The following PARD3B variants were observed in gnomAD, a reference collection of about 807,000 sequenced individuals.
The protein encoded by PARD3B is par-3 family cell polarity regulator beta, also known as partitioning defective 3 homolog B.
Under a neutral mutation model 130.2 loss-of-function variants are expected in PARD3B, and 103 were observed. That is an observed-to-expected ratio of 0.79 (90% CI 0.67 to 0.93). The LOEUF is 0.93. Ranked by LOEUF, PARD3B falls within the 40% of genes least tolerant of loss-of-function variation. The probability of loss-of-function intolerance (pLI) is 0.00; values close to 1 mark genes in which losing one functional copy is unlikely to be tolerated. For synonymous variants in PARD3B, 583 were observed against 553.2 expected (o/e 1.05, Z -0.76); for missense variants, 1,609 against 1,499.2 (o/e 1.07, Z -1.21).
chr2:205,507,212 T>TTTTC, intron 21 of PARD3B, among the ~76,000 whole-genome samples: 1 of 113,578 alleles, frequency 8.8e-6, no homozygotes, highest in South Asian at 3.5e-4. Flanking sequence ...TTTTTTTTTT[T>TTTTC]TTTTTTTTTT....
intron 3 of PARD3B, among the ~76,000 whole-genome samples, chr2:205,024,475 A>G (rs145158927): frequency 0.011 from 1,740 of 152,110 alleles, 117 homozygotes; most frequent in Admixed American, 0.1. Context: ...GCAAGAGTTT[A>G]TTCTTCCTCC....
At chr2:205,090,922 A>T (rs1702066117) in intron 4 of PARD3B, among the ~76,000 whole-genome samples, 1 of 152,206 alleles carries the variant, frequency 6.6e-6, no homozygotes, top group African/African-American at 2.4e-5. Context: ...ATCCTCTACC[A>T]GTTTTCATTG....
intron 1 of PARD3B, among the ~76,000 whole-genome samples, chr2:204,549,196 C>T (rs1043437988): frequency 1.3e-5 from 2 of 152,098 alleles, no homozygotes; most frequent in African/African-American, 4.8e-5. Flanking sequence ...GCTCTGAAGT[C>T]TGGGCCTTTG....
At chr2:204,808,413 G>T (rs1374162237) in intron 2 of PARD3B, among the ~76,000 whole-genome samples, 1 of 152,088 alleles carries the variant, frequency 6.6e-6, no homozygotes, top group African/African-American at 2.4e-5. Context: ...AAGGGAGTTT[G>T]TTGTACAGAT....
At chr2:204,751,496 G>A (rs1256440337) in intron 2 of PARD3B, among the ~76,000 whole-genome samples, 1 of 152,146 alleles carries the variant, frequency 6.6e-6, no homozygotes, top group Non-Finnish European at 1.5e-5. Context: ...TCTGCCTATG[G>A]GCATGAGGTG....
chr2:205,367,788 A>G (rs1025333685), intron 18 of PARD3B, among the ~76,000 whole-genome samples: 1 of 152,096 alleles, frequency 6.6e-6, no homozygotes, highest in Non-Finnish European at 1.5e-5. Context: ...TTGTCCTGCT[A>G]TTTATTTTTG....
chr2:204,899,597 T>C (rs1202796459), intron 2 of PARD3B, among the ~76,000 whole-genome samples: 1 of 152,196 alleles, frequency 6.6e-6, no homozygotes, highest in Non-Finnish European at 1.5e-5. Flanking sequence ...GTTGTTGTTA[T>C]TATTTTTAAT....
At chr2:205,349,359 T>G (rs2043908335) in intron 18 of PARD3B, among the ~76,000 whole-genome samples, 1 of 152,178 alleles carries the variant, frequency 6.6e-6, no homozygotes, top group Non-Finnish European at 1.5e-5. Context: ...ATTTTATATG[T>G]AATCTCACTT....
At position 205,125,675 on chromosome 2, in the gene PARD3B, C is replaced by A. The variant is rs929831055; in HGVS notation, c.1372C>A (p.Gln458Lys). The A allele has an allele frequency of 6.8e-6, 11 of 1,614,002 alleles. No individual in the cohort carries two copies. The highest frequency in any genetic ancestry group is 9.3e-6 in the Non-Finnish European group (11 of 1,180,046). ...ELVAMLRSTK[Q>K]GETASLVIAR... is the part of the protein sequence containing the mutation. ...TGTGGCCATGCTCAGGAGCACCAAG[C>A]AGGGGGAGACAGCATCGCTGGTCAT... The change falls in exon 10 of 23, where the codon CAG (glutamine) becomes AAG (lysine). Residue 458 changes from glutamine to lysine, a missense_variant. Gln to Lys is a moderately conservative substitution (Grantham distance 53). Coordinates refer to ENST00000406610, the MANE Select transcript of PARD3B (RefSeq NM_001302769.2). The surrounding 1 kb of genome is among the most constrained non-coding windows in gnomAD (Gnocchi z 4.0).
At chr2:205,383,668 A>G (rs918196617) in intron 18 of PARD3B, among the ~76,000 whole-genome samples, 2 of 152,090 alleles carry the variant, frequency 1.3e-5, no homozygotes, top group Non-Finnish European at 2.9e-5. Context: ...TTACAAGTGC[A>G]AAGAGTCATG....
intron 2 of PARD3B, among the ~76,000 whole-genome samples, chr2:204,812,979 C>A (rs1276966110): frequency 2.0e-5 from 3 of 152,126 alleles, no homozygotes; most frequent in Non-Finnish European, 4.4e-5. Flanking sequence ...GACATTTGGG[C>A]TTTCTCCAGT....
At chr2:205,139,381 A>T (rs999114130) in intron 10 of PARD3B, among the ~76,000 whole-genome samples, 2 of 152,100 alleles carry the variant, frequency 1.3e-5, no homozygotes, top group Admixed American at 6.5e-5. Flanking sequence ...CACCTTTAAT[A>T]AAAAAAACCT....
chr2:204,738,376 C>T (rs2039849955), intron 2 of PARD3B, among the ~76,000 whole-genome samples: 1 of 152,140 alleles, frequency 6.6e-6, no homozygotes, highest in Non-Finnish European at 1.5e-5. Context: ...AGCTAGGTCA[C>T]TGTTGGTATA....
chr2:205,596,927 A>G lies in PARD3B; in HGVS notation c.3261-18529A>G, dbSNP rs990159778. Among the ~76,000 whole-genome samples, 9 of 152,132 alleles carry G rather than the reference A, an allele frequency of 5.9e-5. No individual in the cohort carries two copies. The South Asian group carries it at 1.9e-3, about 32-fold the overall frequency. On this transcript the variant is annotated intron_variant, in intron 22 of 22. Coordinates refer to ENST00000406610, the MANE Select transcript of PARD3B (RefSeq NM_001302769.2). ...GTCAGAATTGGGAGGTACTAATGTC[A>G]AATCCTTCCTACCCAGAAGCAAACT... is the stretch of plus-strand genomic sequence containing the variant.
Position 204,546,018 on chromosome 2 carries a change from T to C in PARD3B, c.19T>C (p.Phe7Leu), listed in dbSNP as rs781566408. The change falls in exon 1 of 23, where the codon TTC becomes CTC. Residue 7 changes from phenylalanine to leucine, a missense_variant. Coordinates refer to ENST00000406610, the MANE Select transcript of PARD3B (RefSeq NM_001302769.2). MKVTVC[F>L]GRTGIVVPCK... ...GGCCAGGATGAAAGTGACCGTGTGC[T>C]TCGGCAGGACGGGCATCGTGGTGCC... The C allele has an allele frequency of 6.4e-7, 1 of 1,568,436 alleles. No individual in the cohort carries two copies. The highest frequency in any genetic ancestry group is 8.7e-7 in the Non-Finnish European group (1 of 1,156,044).
chr2:205,369,228 A>G (rs13024741), intron 18 of PARD3B, among the ~76,000 whole-genome samples: 90,531 of 152,094 alleles, frequency 0.6, 30,456 homozygotes, highest in South Asian at 0.77. Flanking sequence ...TATCATGGAC[A>G]AATTGTGAGT....
At chr2:204,766,965 C>CTTTTTTTTTTTTTTTTTTTCTT (rs68009060) in intron 2 of PARD3B, among the ~76,000 whole-genome samples, 1 of 114,486 alleles carries the variant, frequency 8.7e-6, no homozygotes, top group Non-Finnish European at 1.8e-5. Flanking sequence ...TTTTCTTTTT[C>CTTTTTTTTTTTTTTTTTTTCTT]TTTTTTTTTT....
At chr2:205,413,693 C>G (rs546017808) in intron 19 of PARD3B, among the ~76,000 whole-genome samples, 1 of 152,178 alleles carries the variant, frequency 6.6e-6, no homozygotes, top group African/African-American at 2.4e-5. Flanking sequence ...AGTGGCCAGT[C>G]CATCAGGACT....
intron 18 of PARD3B, among the ~76,000 whole-genome samples, chr2:205,381,098 A>T (rs1214811331): frequency 8.0e-5 from 5 of 62,274 alleles, no homozygotes; most frequent in African/African-American, 1.4e-4. Flanking sequence ...AGAATATATA[A>T]TATATAAAGA....
Sources: allele counts gnomAD v4.1 joint callset (sites outside exome capture counted in the v4.1 genomes callset), GRCh38; gene constraint gnomAD v4.1.1; non-coding constraint Gnocchi (gnomAD v3.1); transcripts MANE v1.5; gene names NCBI Gene and HGNC (gene_info 2026-07-23, HGNC 2026-07-21).